ZNF678: variants seen among roughly 807,000 people sequenced by gnomAD.
The protein encoded by ZNF678 is zinc finger protein 678.
In ZNF678, 5 loss-of-function variants were observed where a neutral mutation model predicts 3.0. The ratio of observed to expected loss-of-function variants is 1.69; its 90% CI spans 0.88 to 3.56. The LOEUF (loss-of-function observed/expected upper bound fraction) is 3.56, where lower values mean the gene tolerates loss of function less well. ZNF678 is among the 30% of genes most tolerant of loss of function. The pLI is 0.00. For missense variants in ZNF678, 593 were observed against 605.0 expected (o/e 0.98, Z 0.21); for synonymous variants, 218 against 199.6 (o/e 1.09, Z -0.78).
rs561653545 is a variant in ZNF678 at position 227,567,896 on chromosome 1, A to G, written c.-164+4172A>G. Among the ~76,000 whole-genome samples, 39 of 152,270 alleles carry G rather than the reference A, an allele frequency of 2.6e-4. 1 individual carries two copies. The South Asian group carries it at 7.7e-3, about 30-fold the overall frequency. On this transcript the variant is annotated intron_variant, in intron 1 of 3. Coordinates refer to ENST00000343776, the MANE Select transcript of ZNF678 (RefSeq NM_001367909.1). ...TATTGCAACGGGAAAAATACCAACT[A>G]TATCTGCAGTCATCTGAAATGTTAG...
In ZNF678 at chr1:227,659,353, A is replaced by C. The variant is rs548705245; in HGVS notation, c.*3525A>C. ...ATTTTCTGTATTAAAAAACTCAGAG[A>C]TCTAGAGAGCTTTTGGATTGAAATA... On this transcript the variant is annotated 3_prime_UTR_variant, in exon 4 of 4. Transcript: ENST00000343776. The C allele has an allele frequency of 1.3e-5, 2 of 152,268 alleles. No homozygotes were observed. Among genetic ancestry groups the C allele is most frequent in the South Asian group, 4.1e-4 (2 of 4,828 alleles). The allele number at this position is 152,268 out of a possible 1,614,324, so 9.4% of individuals were successfully genotyped here.
In ZNF678 at chr1:227,654,416, C is replaced by T. The variant is rs754657900; in HGVS notation, c.166C>T (p.His56Tyr). Residue 56 changes from histidine to tyrosine, a missense_variant, in exon 4 of 4, where the codon CAT (histidine) becomes TAT (tyrosine). Transcript: ENST00000343776. ...ATGCCAAAAAGTGACACTGACAAGA[C>T]ATAGAAGCTGGGGCCTTGACAATTT... Reference protein sequence around the residue: ...DLCQKVTLTRHRSWGLDNLHL... With the variant: ...DLCQKVTLTRYRSWGLDNLHL... 1.2e-5 allele frequency: 20 copies of T among 1,612,314 alleles called. No homozygotes were observed. The South Asian group carries it at 2.2e-4, about 18-fold the overall frequency.
intron 1 of ZNF678, among the ~76,000 whole-genome samples, chr1:227,564,530 T>C (rs1656618806): frequency 6.6e-6 from 1 of 152,226 alleles, no homozygotes; most frequent in Non-Finnish European, 1.5e-5. Flanking sequence ...TCCTCTGTTC[T>C]CCCAGCCTGA....
chr1:227,634,184 A>G (rs1658619923), intron 1 of ZNF678, among the ~76,000 whole-genome samples: 1 of 152,194 alleles, frequency 6.6e-6, no homozygotes, highest in Non-Finnish European at 1.5e-5. Flanking sequence ...TTTACCTGCT[A>G]ACTAAAGAGC....
chr1:227,608,138 T>C (rs1035606112), intron 1 of ZNF678, among the ~76,000 whole-genome samples: 2 of 152,106 alleles, frequency 1.3e-5, no homozygotes, highest in African/African-American at 4.8e-5. Flanking sequence ...AGGTTGCATT[T>C]TCTGTGAATA....
At chr1:227,592,734 G>A (rs1288996033) in intron 1 of ZNF678, among the ~76,000 whole-genome samples, 1 of 152,204 alleles carries the variant, frequency 6.6e-6, no homozygotes, top group East Asian at 1.9e-4. Flanking sequence ...AGATGTGAGA[G>A]TTGAAAGACC....
chr1:227,667,143 A>G (rs1659516298), downstream of ZNF678, among the ~76,000 whole-genome samples: 1 of 151,902 alleles, frequency 6.6e-6, no homozygotes, highest in African/African-American at 2.4e-5. Flanking sequence ...TCCTGGGGTC[A>G]AGCGATCCTC....
intron 1 of ZNF678, among the ~76,000 whole-genome samples, chr1:227,634,410 A>G (rs567677992): frequency 3.3e-5 from 5 of 152,280 alleles, no homozygotes; most frequent in African/African-American, 4.8e-5. Flanking sequence ...GTATAGCACC[A>G]AGTGAGCTTT....
intron 1 of ZNF678, among the ~76,000 whole-genome samples, chr1:227,578,842 T>G (rs769775260): frequency 6.6e-6 from 1 of 152,212 alleles, no homozygotes; most frequent in Admixed American, 6.5e-5. Flanking sequence ...TCAGGGTTCT[T>G]GCACTGATTG....
intron 1 of ZNF678, among the ~76,000 whole-genome samples, chr1:227,601,332 A>G (rs1380758641): frequency 6.6e-6 from 1 of 152,178 alleles, no homozygotes; most frequent in African/African-American, 2.4e-5. Flanking sequence ...CAGTATGACC[A>G]TTTTAATAAT....
At chr1:227,592,159 CG>C (rs1307445967) in intron 1 of ZNF678, among the ~76,000 whole-genome samples, 1 of 152,126 alleles carries the variant, frequency 6.6e-6, no homozygotes, top group Non-Finnish European at 1.5e-5. Context: ...AGCAAGGTGG[CG>C]GGGTTTAGGG....
intron 1 of ZNF678, among the ~76,000 whole-genome samples, chr1:227,580,532 C>T (rs1657098307): frequency 6.6e-6 from 1 of 152,074 alleles, no homozygotes; most frequent in African/African-American, 2.4e-5. Context: ...CTAAGGGCTT[C>T]CTTGAGTCTC....
At chr1:227,610,956 T>A (rs75466268) in intron 1 of ZNF678, among the ~76,000 whole-genome samples, 80 of 152,330 alleles carry the variant, frequency 5.3e-4, no homozygotes, top group African/African-American at 1.8e-3. Flanking sequence ...ATCAATGCTA[T>A]ACTTAAATCT....
rs1344619769 is a variant in ZNF678, at chr1:227,589,335, AG to A, written c.-164+25614del. 2.0e-5 allele frequency among the ~76,000 whole-genome samples: 3 copies of A among 151,940 alleles called. No homozygotes were observed. The South Asian group carries it at 6.3e-4, about 32-fold the overall frequency. ...TTAATTTTTGTGTATGGTATAAGGA[AG>A]GGATCCAGTTTCAACTTTCTGCATA... On this transcript the variant is annotated intron_variant, in intron 1 of 3. Transcript: ENST00000343776.
chr1:227,651,197 G>C lies in ZNF678; in HGVS notation c.85+121G>C, dbSNP rs530277098. The C allele has an allele frequency of 6.3e-6, 7 of 1,111,950 alleles. No homozygotes were observed. The African/African-American group carries it at 9.3e-5, about 15-fold the overall frequency. 68.9% of individuals were successfully genotyped at this position (1,111,950 alleles called of 1,614,324 possible). A position where few individuals can be genotyped will look rare whatever the true frequency, so the allele number is the denominator to read the frequency against. The stretch of plus-strand genomic sequence containing the variant: ...GGGTCCACAATGGGGTCTGTCTTTG[G>C]TGGGCTTATTACCAGGGGCTTGTGT... On this transcript the variant is annotated intron_variant, in intron 3 of 3. Coordinates refer to ENST00000343776, the MANE Select transcript of ZNF678 (RefSeq NM_001367909.1).
At chr1:227,567,575 T>G (rs1656723527) in intron 1 of ZNF678, among the ~76,000 whole-genome samples, 3 of 152,240 alleles carry the variant, frequency 2.0e-5, no homozygotes. Flanking sequence ...GTAGTTGGGT[T>G]GGAAGACGGG....
chr1:227,668,636 A>G (rs1214683858), intron 5 of ZNF678, among the ~76,000 whole-genome samples: 2 of 152,210 alleles, frequency 1.3e-5, no homozygotes, highest in Admixed American at 6.5e-5. Flanking sequence ...GGGGTCTACA[A>G]GTGTTCACAT....
Position 227,640,936 on chromosome 1 carries a change from C to T in ZNF678, c.-163-5608C>T, listed in dbSNP as rs745735417. Among the ~76,000 whole-genome samples, 4 of 152,202 alleles carry T rather than the reference C, an allele frequency of 2.6e-5. No homozygotes were observed. In the South Asian group the frequency reaches 6.2e-4, roughly 24 times the overall value. On this transcript the variant is annotated intron_variant, in intron 1 of 3. Transcript: ENST00000343776. Reference sequence around the variant, plus strand: ...CAAACGGAATCAAATGGCTTGGAGGCGTCCTCCTAAGACCAGATGATCATT... The same window carrying T: ...CAAACGGAATCAAATGGCTTGGAGGTGTCCTCCTAAGACCAGATGATCATT...
intron 1 of ZNF678, among the ~76,000 whole-genome samples, chr1:227,632,809 C>T (rs897031760): frequency 1.3e-5 from 2 of 152,128 alleles, no homozygotes; most frequent in Non-Finnish European, 2.9e-5. Context: ...ATATTACCGG[C>T]GGGTCTTTGT....
Sources: allele counts gnomAD v4.1 joint callset (sites outside exome capture counted in the v4.1 genomes callset), GRCh38; gene constraint gnomAD v4.1.1; transcripts MANE v1.5; gene names NCBI Gene and HGNC (gene_info 2026-07-23, HGNC 2026-07-21).